SLC35F3: variants seen among roughly 807,000 people sequenced by gnomAD.
SLC35F3 encodes solute carrier family 35 member F3.
In SLC35F3, 25 loss-of-function variants were observed where a neutral mutation model predicts 49.9. The ratio of observed to expected loss-of-function variants is 0.50; its 90% CI spans 0.37 to 0.70. The LOEUF (loss-of-function observed/expected upper bound fraction) is 0.70. Among genes scored for constraint, SLC35F3 ranks in the 30% least tolerant of loss-of-function variants. The probability of loss-of-function intolerance (pLI) is 0.00; values close to 1 mark genes in which losing one functional copy is unlikely to be tolerated. For missense variants in SLC35F3, 525 were observed against 639.8 expected, an observed-to-expected ratio of 0.82 and a Z score of 1.94; for synonymous variants, 275 against 265.4, an observed-to-expected ratio of 1.04 and a Z score of -0.35.
At chr1:234,028,470 G>C (rs1266402093) in intron 2 of SLC35F3, among the ~76,000 whole-genome samples, 1 of 152,204 alleles carries the variant, frequency 6.6e-6, no homozygotes, top group African/African-American at 2.4e-5. Flanking sequence ...CTACTCACCA[G>C]CATCCCTGTC....
chr1:233,933,592 T>G (rs923575304), intron 2 of SLC35F3, among the ~76,000 whole-genome samples: 2 of 152,068 alleles, frequency 1.3e-5, no homozygotes, highest in Non-Finnish European at 2.9e-5. Context: ...GGGCTGGGTG[T>G]GGTGGCTCAG....
chr1:234,314,482 C>T lies in SLC35F3; in HGVS notation c.829-2120C>T, dbSNP rs375679208. On this transcript the variant is annotated intron_variant, in intron 4 of 7. Transcript: ENST00000366618. Reference sequence around the variant, plus strand: ...AGCTCAATAAAAGGTAGCTCCAGGCCGGGCACAGTGGCTCATGCCTATAAT... The same window carrying T: ...AGCTCAATAAAAGGTAGCTCCAGGCTGGGCACAGTGGCTCATGCCTATAAT... Among the ~76,000 whole-genome samples, 26 of 152,296 alleles carry T rather than the reference C, an allele frequency of 1.7e-4. No homozygotes were observed. In the East Asian group the frequency reaches 4.2e-3, roughly 25 times the overall value.
At chr1:233,984,071 T>C (rs969090356) in intron 2 of SLC35F3, among the ~76,000 whole-genome samples, 8 of 152,244 alleles carry the variant, frequency 5.3e-5, no homozygotes, top group African/African-American at 1.9e-4. Context: ...TTCTCCTCTA[T>C]GCTTTCATCA....
At chr1:234,118,265 T>A (rs995053356) in intron 2 of SLC35F3, among the ~76,000 whole-genome samples, 2 of 152,202 alleles carry the variant, frequency 1.3e-5, no homozygotes, top group African/African-American at 2.4e-5. Flanking sequence ...GTTGTTGTTG[T>A]AATGCACTTT....
chr1:234,264,537 A>G (rs1667952192), intron 3 of SLC35F3, among the ~76,000 whole-genome samples: 2 of 152,080 alleles, frequency 1.3e-5, no homozygotes, highest in South Asian at 4.1e-4. Context: ...CTTACTGTTA[A>G]TTTTTGTTTT....
At chr1:234,118,424 G>A (rs568809653) in intron 2 of SLC35F3, among the ~76,000 whole-genome samples, 105 of 152,268 alleles carry the variant, frequency 6.9e-4, no homozygotes, top group African/African-American at 2.4e-3. Context: ...TCAGGGGTCA[G>A]CAAACTTTGG....
At chr1:234,225,422 C>A (rs1170026705) in intron 2 of SLC35F3, among the ~76,000 whole-genome samples, 2 of 152,142 alleles carry the variant, frequency 1.3e-5, no homozygotes, top group African/African-American at 4.8e-5. Context: ...GGAAAGTTTT[C>A]ATCAGACCCT....
chr1:234,052,331 T>C (rs916166814), intron 2 of SLC35F3, among the ~76,000 whole-genome samples: 7 of 152,354 alleles, frequency 4.6e-5, no homozygotes, highest in African/African-American at 1.7e-4. Flanking sequence ...TATTGGTCTA[T>C]TCAGGGATTC....
rs1007676869 is a variant in SLC35F3, at chr1:234,320,581, G to T, written c.1237+394G>T. On this transcript the variant is annotated intron_variant, in intron 7 of 7. Coordinates refer to ENST00000366618, the MANE Select transcript of SLC35F3 (RefSeq NM_173508.4). This position sits in a 1 kb window ranked among gnomAD's most constrained non-coding sequence, Gnocchi z 4.8. ...ATTAACAAATGTAGGAAATGATGTA[G>T]CAGAAAAAAAATGTCACTTTTGCAG... Among the ~76,000 whole-genome samples, 1 of 152,086 alleles carries T rather than the reference G, an allele frequency of 6.6e-6. No homozygotes were observed. Among genetic ancestry groups the T allele is most frequent in the Admixed American group, 6.5e-5 (1 of 15,270 alleles).
At chr1:234,002,098 T>C (rs956819387) in intron 2 of SLC35F3, among the ~76,000 whole-genome samples, 1 of 152,150 alleles carries the variant, frequency 6.6e-6, no homozygotes, top group African/African-American at 2.4e-5. Flanking sequence ...GTCTTGCACC[T>C]CTCTATTTTT....
Position 234,170,265 on chromosome 1 carries a change from A to G in SLC35F3, c.284-61152A>G, listed in dbSNP as rs1458417256. Among the ~76,000 whole-genome samples the G allele has an allele frequency of 2.6e-5, 4 of 152,276 alleles. No individual in the cohort carries two copies. The East Asian group carries it at 7.7e-4, about 29-fold the overall frequency. ...GGAGCTTCACAGATGGCCTGACCCC[A>G]TTATAGAGGGGGGCACGGCAGCTCG... On this transcript the variant is annotated intron_variant, in intron 2 of 7. Transcript: ENST00000366618.
chr1:233,962,644 C>T (rs1477356525), intron 2 of SLC35F3, among the ~76,000 whole-genome samples: 22 of 152,072 alleles, frequency 1.4e-4, no homozygotes, highest in Admixed American at 1.4e-3. Flanking sequence ...TTGTTTTGTA[C>T]CTTGAGGAGT....
At chr1:234,075,153 A>T (rs2102869731) in intron 2 of SLC35F3, among the ~76,000 whole-genome samples, 1 of 152,378 alleles carries the variant, frequency 6.6e-6, no homozygotes, top group African/African-American at 2.4e-5. Flanking sequence ...TTAGTGATAT[A>T]AATCTGAGAG....
At chr1:234,124,283 T>C (rs936011490) in intron 2 of SLC35F3, among the ~76,000 whole-genome samples, 2 of 152,216 alleles carry the variant, frequency 1.3e-5, no homozygotes, top group African/African-American at 4.8e-5. Flanking sequence ...GGAGAACATT[T>C]TGTCCAAGAC....
intron 3 of SLC35F3, among the ~76,000 whole-genome samples, chr1:234,247,571 A>AT (rs1345294366): frequency 7.8e-6 from 1 of 128,426 alleles, no homozygotes; most frequent in African/African-American, 3.0e-5. Context: ...CAGTGGGTTG[A>AT]TTGGCTGGTC....
At chr1:234,020,216 T>C (rs550201073) in intron 2 of SLC35F3, among the ~76,000 whole-genome samples, 2 of 152,372 alleles carry the variant, frequency 1.3e-5, no homozygotes, top group South Asian at 2.1e-4. Context: ...ATTGTAGTTT[T>C]AGTCATTCTG....
intron 3 of SLC35F3, among the ~76,000 whole-genome samples, chr1:234,268,047 C>G (rs923385237): frequency 6.6e-5 from 10 of 151,310 alleles, no homozygotes; most frequent in African/African-American, 1.7e-4. Flanking sequence ...ACTTCCCAGA[C>G]GGGGTGGCGG....
intron 3 of SLC35F3, among the ~76,000 whole-genome samples, chr1:234,268,228 G>T (rs954933466): frequency 1.3e-5 from 2 of 152,190 alleles, no homozygotes; most frequent in Admixed American, 6.5e-5. Flanking sequence ...CGAGGCTGGC[G>T]GATCACTCGC....
At chr1:234,022,218 C>G (rs1572022739) in intron 2 of SLC35F3, among the ~76,000 whole-genome samples, 2 of 115,440 alleles carry the variant, frequency 1.7e-5, no homozygotes, top group South Asian at 5.5e-4. Flanking sequence ...GGGTCACTCC[C>G]TGTATTAGTC....
Sources: gnomAD v4.1 joint callset for allele counts (sites outside exome capture counted in the v4.1 genomes callset) on GRCh38, gnomAD v4.1.1 for gene constraint, Gnocchi (gnomAD v3.1) non-coding constraint, MANE v1.5 for transcripts, NCBI Gene and HGNC (gene_info 2026-07-23, HGNC 2026-07-21) for gene names.